Variants in CD36 observed in about 807,000 individuals in gnomAD.
The protein encoded by CD36 is platelet glycoprotein 4.
CD36 carries 119 observed loss-of-function variants against 55.2 expected under a neutral mutation model. The observed-to-expected ratio is 2.15, with a 90% CI of 1.86 to 2.51. The LOEUF (loss-of-function observed/expected upper bound fraction) is 2.51. CD36 is among the 30% of genes most tolerant of loss of function. The pLI is 0.00. For missense variants in CD36, 819 were observed against 555.5 expected (o/e 1.47, Z -4.77); for synonymous variants, 186 against 193.6 (o/e 0.96, Z 0.33).
intron 3 of CD36, among the ~76,000 whole-genome samples, chr7:80,647,902 C>T (rs540671892): frequency 1.1e-4 from 17 of 152,098 alleles, no homozygotes; most frequent in African/African-American, 1.4e-4. Context: ...GCATAGTGCA[C>T]GATGGAGAAC....
intron 8 of CD36, among the ~76,000 whole-genome samples, chr7:80,667,878 G>A (rs1303154247): frequency 6.6e-6 from 1 of 150,580 alleles, no homozygotes; most frequent in Non-Finnish European, 1.5e-5. Context: ...AATCTCATGA[G>A]TAGTTGGGAC....
intron 4 of CD36, among the ~76,000 whole-genome samples, chr7:80,657,677 AAAG>A (rs1796199437): frequency 6.6e-6 from 1 of 152,152 alleles, no homozygotes; most frequent in Non-Finnish European, 1.5e-5. Flanking sequence ...AAAAGGGAAA[AAAG>A]GGGGAGATTG....
At chr7:80,651,658 A>G (rs1262216524) in intron 3 of CD36, among the ~76,000 whole-genome samples, 1 of 152,154 alleles carries the variant, frequency 6.6e-6, no homozygotes, top group Non-Finnish European at 1.5e-5. Flanking sequence ...CTATAATCCT[A>G]GTACTTCGGG....
In CD36 at chr7:80,672,812, A is replaced by C. The variant is rs1341333923; in HGVS notation, c.1168A>C (p.Asn390His). 6.2e-7 allele frequency: 1 copy of C among 1,611,168 alleles called. No individual in the cohort carries two copies. The highest frequency in any genetic ancestry group is 2.2e-5 in the East Asian group (1 of 44,638). ...ACAATTTGCAAAACGGCTGCAGGTCAACCTATTGGTCAAGCCATCAGAAAA... is the reference window on the plus strand; with the variant it reads ...ACAATTTGCAAAACGGCTGCAGGTCCACCTATTGGTCAAGCCATCAGAAAA... ...TLQFAKRLQV[N>H]LLVKPSEKIQ... The change falls in exon 12 of 15, where the codon AAC becomes CAC. Residue 390 changes from asparagine (N) to histidine (H), a missense_variant. Transcript: ENST00000447544.
intron 1 of CD36, among the ~76,000 whole-genome samples, chr7:80,644,477 G>T (rs948172937): frequency 6.6e-6 from 1 of 152,186 alleles, no homozygotes; most frequent in Non-Finnish European, 1.5e-5. Context: ...AATAGGCAAA[G>T]GGGAATCCCA....
intron 3 of CD36, among the ~76,000 whole-genome samples, chr7:80,651,835 G>C (rs1278347746): frequency 2.0e-5 from 3 of 152,184 alleles, no homozygotes; most frequent in Admixed American, 1.3e-4. Flanking sequence ...CTTGAGCCCA[G>C]GAGGTTGAGG....
intron 1 of CD36, among the ~76,000 whole-genome samples, chr7:80,621,323 C>T (rs1793459021): frequency 6.6e-6 from 1 of 152,142 alleles, no homozygotes; most frequent in Non-Finnish European, 1.5e-5. Flanking sequence ...ACCAAACTTC[C>T]AGTATCTGCA....
chr7:80,655,733 C>T (rs1428685451), intron 3 of CD36, among the ~76,000 whole-genome samples: 1 of 152,020 alleles, frequency 6.6e-6, no homozygotes, highest in Non-Finnish European at 1.5e-5. Flanking sequence ...AGGTGGATTG[C>T]TTCAGCTCAG....
At chr7:80,636,320 A>T (rs1056960396), upstream of CD36, among the ~76,000 whole-genome samples, 1 of 151,964 alleles carries the variant, frequency 6.6e-6, no homozygotes, top group Non-Finnish European at 1.5e-5. Context: ...CTATTCTTTG[A>T]TTATGAAAAT....
chr7:80,650,161 AC>A (rs1385008336), intron 3 of CD36, among the ~76,000 whole-genome samples: 1 of 152,056 alleles, frequency 6.6e-6, no homozygotes, highest in Admixed American at 6.6e-5. Flanking sequence ...ACTCATAAAA[AC>A]TGTCAAATGA....
intron 3 of CD36, among the ~76,000 whole-genome samples, chr7:80,647,486 C>T (rs1795258432): frequency 6.6e-6 from 1 of 152,118 alleles, no homozygotes. Flanking sequence ...AACAAATTGA[C>T]TGTAGTGTGA....
intron 10 of CD36, among the ~76,000 whole-genome samples, chr7:80,671,635 C>T (rs1024453364): frequency 1.3e-5 from 2 of 151,694 alleles, no homozygotes; most frequent in Non-Finnish European, 2.9e-5. Context: ...CTAGCTTATC[C>T]TGTACATATT....
intron 1 of CD36, chr7:80,624,985 C>G (rs188491169): frequency 6.6e-6 from 1 of 152,094 alleles, no homozygotes; most frequent in African/African-American, 2.4e-5. Context: ...GGCATGGTCA[C>G]AGTGACTACT....
intron 1 of CD36, among the ~76,000 whole-genome samples, chr7:80,620,646 A>C (rs1333221178): frequency 6.6e-6 from 1 of 152,028 alleles, no homozygotes; most frequent in African/African-American, 2.4e-5. Flanking sequence ...GTAGGGTGGG[A>C]TCCTGTCTGG....
intron 1 of CD36, among the ~76,000 whole-genome samples, chr7:80,625,285 G>A (rs915578265): frequency 2.0e-5 from 3 of 152,052 alleles, no homozygotes; most frequent in Non-Finnish European, 4.4e-5. Context: ...TGTTTTGCTG[G>A]TCACACATGA....
intron 1 of CD36, among the ~76,000 whole-genome samples, chr7:80,609,986 A>G (rs541853925): frequency 2.0e-5 from 3 of 152,242 alleles, no homozygotes; most frequent in African/African-American, 7.2e-5. Context: ...ATGCGCTGTG[A>G]GGGGTGAGCC....
At chr7:80,643,713 A>C (rs1254788626) in intron 1 of CD36, among the ~76,000 whole-genome samples, 1 of 152,186 alleles carries the variant, frequency 6.6e-6, no homozygotes, top group Non-Finnish European at 1.5e-5. Flanking sequence ...TCAGCCGCTT[A>C]AATTAAAAAA....
chr7:80,652,608 A>G (rs1183270812), intron 3 of CD36, among the ~76,000 whole-genome samples: 1 of 152,218 alleles, frequency 6.6e-6, no homozygotes, highest in East Asian at 1.9e-4. Context: ...GGAAGGATGG[A>G]AGTATGCTTC....
At position 80,664,540 on chromosome 7, in the gene CD36, T is replaced by G. The variant is rs555149755; in HGVS notation, c.701+43T>G. ...ATGTGCATGTATGTTACTAGGGTAC[T>G]CTTAAGCAGGAATAGTATTCATTTA... On this transcript the variant is annotated intron_variant, in intron 7 of 14. Coordinates refer to ENST00000447544, the MANE Select transcript of CD36 (RefSeq NM_001001548.3). 2.9e-6 allele frequency: 3 copies of G among 1,019,142 alleles called. No individual in the cohort carries two copies. In the African/African-American group the frequency reaches 4.7e-5, roughly 16 times the overall value. The allele number at this position is 1,019,142 out of a possible 1,614,324, so 63.1% of individuals were successfully genotyped here.
Sources: allele counts gnomAD v4.1 joint callset (sites outside exome capture counted in the v4.1 genomes callset), GRCh38; gene constraint gnomAD v4.1.1; transcripts MANE v1.5; gene names NCBI Gene and HGNC (gene_info 2026-07-23, HGNC 2026-07-21).